Variants in SMIM13 observed in about 807,000 individuals in gnomAD.
The protein encoded by SMIM13 is small integral membrane protein 13.
In SMIM13, 3 loss-of-function variants were observed where a neutral mutation model predicts 5.9. The ratio of observed to expected loss-of-function variants is 0.51; its 90% confidence interval spans 0.23 to 1.31. The LOEUF is 1.31. SMIM13 is among the 40% of genes most tolerant of loss of function. SMIM13 has a pLI of 0.18. For missense variants in SMIM13, 85 were observed against 109.9 expected (o/e 0.77, Z 1.01); for synonymous variants, 55 against 46.0 (o/e 1.19, Z -0.79).
intron 1 of SMIM13, among the ~76,000 whole-genome samples, chr6:11,112,121 A>G (rs544500887): frequency 2.1e-4 from 32 of 152,104 alleles, no homozygotes; most frequent in Non-Finnish European, 4.6e-4. Flanking sequence ...GAAACAGTGT[A>G]ACAACCGCCT....
At chr6:11,114,126 C>T (rs148507223) in intron 1 of SMIM13, among the ~76,000 whole-genome samples, 211 of 150,836 alleles carry the variant, frequency 1.4e-3, no homozygotes, top group African/African-American at 4.7e-3. Flanking sequence ...ATTACAGGTG[C>T]GCGCCACCAC....
chr6:11,105,976 C>G (rs989570520), intron 1 of SMIM13, among the ~76,000 whole-genome samples: 10 of 152,086 alleles, frequency 6.6e-5, no homozygotes, highest in Admixed American at 2.6e-4. Flanking sequence ...AGAGGTACAC[C>G]CATGGCTGTG....
At position 11,124,892 on chromosome 6, in the gene SMIM13, C is replaced by T. The variant is rs77112738; in HGVS notation, c.77-9511C>T. ...GTTTGGTGTTGACTAAATCCCCTAG[C>T]GGGAAAGTCTTGATTTCTCCTTCAT... is the stretch of plus-strand genomic sequence containing the variant. On this transcript the variant is annotated intron_variant, in intron 1 of 1. Transcript: ENST00000416247. 9.2e-5 allele frequency among the ~76,000 whole-genome samples: 14 copies of T among 152,188 alleles called. No homozygotes were observed. In the East Asian group the frequency reaches 2.3e-3, roughly 25 times the overall value.
chr6:11,130,336 T>C (rs1050698795), intron 1 of SMIM13, among the ~76,000 whole-genome samples: 1 of 151,988 alleles, frequency 6.6e-6, no homozygotes, highest in Non-Finnish European at 1.5e-5. Flanking sequence ...TCCCTAGTTA[T>C]ATTAGGGGAA....
At chr6:11,128,226 T>C (rs1758403432) in intron 1 of SMIM13, among the ~76,000 whole-genome samples, 1 of 152,122 alleles carries the variant, frequency 6.6e-6, no homozygotes, top group African/African-American at 2.4e-5. Context: ...GGCTGTCTAC[T>C]AAGCAGGCAA....
intron 1 of SMIM13, among the ~76,000 whole-genome samples, chr6:11,096,104 A>ATCT: frequency 6.6e-6 from 1 of 152,250 alleles, no homozygotes; most frequent in Non-Finnish European, 1.5e-5. Flanking sequence ...ACATTAAGGA[A>ATCT]TAAGAGAGAT....
chr6:11,120,932 G>A (rs1758300082), intron 1 of SMIM13, among the ~76,000 whole-genome samples: 1 of 152,200 alleles, frequency 6.6e-6, no homozygotes, highest in Non-Finnish European at 1.5e-5. Context: ...TGTTGATAGT[G>A]ATGGTTCATC....
chr6:11,122,785 T>A (rs532399710), intron 1 of SMIM13, among the ~76,000 whole-genome samples: 1 of 152,354 alleles, frequency 6.6e-6, no homozygotes, highest in Admixed American at 6.5e-5. Context: ...TGTCTGGGTT[T>A]TTTTTTGGGG....
intron 1 of SMIM13, among the ~76,000 whole-genome samples, chr6:11,096,937 C>G (rs537958581): frequency 6.6e-6 from 1 of 152,204 alleles, no homozygotes; most frequent in African/African-American, 2.4e-5. Flanking sequence ...GTGATCCACC[C>G]GCCTCGGCTT....
At chr6:11,103,597 G>A (rs1758031522) in intron 1 of SMIM13, 1 of 1,453,580 alleles carries the variant, frequency 6.9e-7, no homozygotes, top group Non-Finnish European at 9.1e-7. Context: ...GGATGGCTCT[G>A]TGGATTGGCA....
intron 1 of SMIM13, among the ~76,000 whole-genome samples, chr6:11,114,592 C>CTCTTTTTTTTTTTTTTTTT (rs1758212653): frequency 9.2e-5 from 2 of 21,844 alleles, no homozygotes; most frequent in Non-Finnish European, 1.5e-4. Flanking sequence ...CACTTTTTCT[C>CTCTTTTTTTTTTTTTTTTT]TTTTTTTTTT....
chr6:11,104,074 C>CT, intron 1 of SMIM13: 2 of 1,551,688 alleles, frequency 1.3e-6, no homozygotes, highest in South Asian at 2.4e-5. Context: ...TTTTGAAGGA[C>CT]TACGGCTGCT....
rs568726467 is a variant in SMIM13 at position 11,107,763 on chromosome 6, C to T, written c.76+13374C>T. On this transcript the variant is annotated intron_variant, in intron 1 of 1. Coordinates refer to ENST00000416247, the MANE Select transcript of SMIM13 (RefSeq NM_001135575.2). ...AGGTCCTGGACTAGCCTGTATTTTT[C>T]ATTGCTCTTTTTAACAGGTAAGATG... 2.4e-4 allele frequency among the ~76,000 whole-genome samples: 36 copies of T among 152,292 alleles called. No individual in the cohort carries two copies. The South Asian group carries it at 5.8e-3, about 25-fold the overall frequency.
intron 1 of SMIM13, among the ~76,000 whole-genome samples, chr6:11,098,893 G>A (rs1351587589): frequency 6.6e-6 from 1 of 152,022 alleles, no homozygotes; most frequent in Non-Finnish European, 1.5e-5. Flanking sequence ...GTTCATAAGT[G>A]TACAGATTAC....
Position 11,093,883 on chromosome 6 carries a change from T to G in SMIM13, c.-431T>G, listed in dbSNP as rs541718936. On this transcript the variant is annotated 5_prime_UTR_variant, in exon 1 of 2. Coordinates refer to ENST00000416247, the MANE Select transcript of SMIM13 (RefSeq NM_001135575.2). ...GGGCGACGCTGACATCTGGCATCCC[T>G]GGGGTCTCAGAGACACGGGTGGACA... 6.6e-6 allele frequency: 1 copy of G among 152,360 alleles called. No individual in the cohort carries two copies. Among genetic ancestry groups the G allele is most frequent in the African/African-American group, 2.4e-5 (1 of 41,458 alleles). 9.4% of individuals were successfully genotyped at this position (152,360 alleles called of 1,614,324 possible).
At chr6:11,098,543 T>C (rs754050385) in intron 1 of SMIM13, among the ~76,000 whole-genome samples, 17 of 152,226 alleles carry the variant, frequency 1.1e-4, no homozygotes, top group Non-Finnish European at 1.9e-4. Flanking sequence ...GTGATTCTCC[T>C]GCCTCAGCCT....
intron 1 of SMIM13, among the ~76,000 whole-genome samples, chr6:11,110,829 G>A (rs1326651984): frequency 1.3e-5 from 2 of 152,188 alleles, no homozygotes; most frequent in Admixed American, 6.5e-5. Context: ...CCTGCAAACG[G>A]CAGAGAATTT....
rs140357114 is a variant in SMIM13, at chr6:11,097,632, C to T, written c.76+3243C>T. The stretch of plus-strand genomic sequence containing the variant: ...GCAGTGAGCCGACATTGCACCATAG[C>T]ACTCCAGCCTGGGTGACAAGAGTGA... On this transcript the variant is annotated intron_variant, in intron 1 of 1. Coordinates refer to ENST00000416247, the MANE Select transcript of SMIM13 (RefSeq NM_001135575.2). Among the ~76,000 whole-genome samples the T allele has an allele frequency of 5.0e-3, 753 of 150,982 alleles. 1 individual carries two copies. Among genetic ancestry groups the T allele is most frequent in the South Asian group, 0.024 (116 of 4,792 alleles).
At chr6:11,104,582 G>C (rs761589046) in intron 1 of SMIM13, 6 of 1,612,966 alleles carry the variant, frequency 3.7e-6, no homozygotes, top group Non-Finnish European at 5.1e-6. Context: ...TAGCTCCCTT[G>C]GTTTTATTTT....
Sources: gnomAD v4.1 joint callset for allele counts (sites outside exome capture counted in the v4.1 genomes callset) on GRCh38, gnomAD v4.1.1 for gene constraint, MANE v1.5 for transcripts, NCBI Gene and HGNC (gene_info 2026-07-23, HGNC 2026-07-21) for gene names.